The following KDM5A variants were observed in gnomAD, a reference collection of about 807,000 sequenced individuals.
KDM5A encodes lysine demethylase 5A.
In KDM5A, 42 loss-of-function variants were observed where a neutral mutation model predicts 193.5. The observed-to-expected ratio is 0.22, with a 90% CI of 0.17 to 0.28. The LOEUF (loss-of-function observed/expected upper bound fraction) is 0.28, where lower values mean the gene tolerates loss of function less well. Ranked by LOEUF, KDM5A falls within the 10% of genes least tolerant of loss-of-function variation. KDM5A has a pLI of 1.00. For missense variants in KDM5A, 1,692 were observed against 2,055.1 expected, an observed-to-expected ratio of 0.82 and a Z score of 3.42; for synonymous variants, 796 against 718.1, an observed-to-expected ratio of 1.11 and a Z score of -1.73.
At chr12:382,065 C>A (rs977572895) in intron 3 of KDM5A, among the ~76,000 whole-genome samples, 1 of 152,160 alleles carries the variant, frequency 6.6e-6, no homozygotes, top group Non-Finnish European at 1.5e-5. Flanking sequence ...TCCACCTCAG[C>A]CTCCCAAAGT....
At chr12:368,135 T>C (rs1944380509) in intron 3 of KDM5A, among the ~76,000 whole-genome samples, 1 of 152,180 alleles carries the variant, frequency 6.6e-6, no homozygotes, top group Non-Finnish European at 1.5e-5. Flanking sequence ...GAATGAATTT[T>C]GAAAATATAA....
chr12:282,682 T>TA lies in KDM5A; in HGVS notation c.*2773dup. ...TTCTTTCTATAACCTTTGCCAGAGT[T>TA]AAAATACTAATGATGAAGAATTGCA... On this transcript the variant is annotated 3_prime_UTR_variant, in exon 28 of 28. Coordinates refer to ENST00000399788, the MANE Select transcript of KDM5A (RefSeq NM_001042603.3). 4.3e-6 allele frequency: 1 copy of TA among 233,004 alleles called. No homozygotes were observed. The highest frequency in any genetic ancestry group is 8.5e-6 in the Non-Finnish European group (1 of 117,900). 14.4% of individuals were successfully genotyped at this position (233,004 alleles called of 1,614,324 possible). A position where few individuals can be genotyped will look rare whatever the true frequency, so the allele number is the denominator to read the frequency against.
rs201695488 is a variant in KDM5A, at chr12:284,335, T to TA, written c.*1120dup. The TA allele has an allele frequency of 1.5e-4, 33 of 227,108 alleles. No homozygotes were observed. The highest frequency in any genetic ancestry group is 6.3e-4 in the Admixed American group (11 of 17,524). The allele number at this position is 227,108 out of a possible 1,614,324, so 14.1% of individuals were successfully genotyped here. A position where few individuals can be genotyped will look rare whatever the true frequency, so the allele number is the denominator to read the frequency against. ...GTAAAAACAAGTCCTTTTTTTTTTTTAAAAATGGATTTACTAAAACAACTT... is the reference window on the plus strand; with the variant it reads ...GTAAAAACAAGTCCTTTTTTTTTTTTAAAAAATGGATTTACTAAAACAACTT... On this transcript the variant is annotated 3_prime_UTR_variant, in exon 28 of 28. Transcript: ENST00000399788.
rs754798761 is a variant in KDM5A, at chr12:385,995, A to T, written c.166-21T>A. 1.2e-4 allele frequency: 186 copies of T among 1,584,054 alleles called. 1 individual carries two copies. The highest frequency in any genetic ancestry group is 2.8e-4 in the South Asian group (25 of 90,454). On this transcript the variant is annotated intron_variant, in intron 1 of 27. Transcript: ENST00000399788. ...CAGTCCTAAATAGAAAGATTTTTTT[A>T]AAAAAACACAGTGGTATGTAAACAA...
chr12:292,861 C>A lies in KDM5A; in HGVS notation c.4764G>T (p.Val1588=), dbSNP rs748500071. ...ESTEKKREKK[V]LDIPSKYDWS... ...AGTCATACTTTGAGGGGATGTCCAGCACCTTTTTCTCTCTTTTCTTTTCAG... is the reference window on the plus strand; with the variant it reads ...AGTCATACTTTGAGGGGATGTCCAGAACCTTTTTCTCTCTTTTCTTTTCAG... Residue 1588 remains valine (V), a synonymous_variant, in exon 27 of 28, where the codon GTG becomes GTT. Coordinates refer to ENST00000399788, the MANE Select transcript of KDM5A (RefSeq NM_001042603.3). The A allele has an allele frequency of 1.9e-6, 3 of 1,614,236 alleles. No individual in the cohort carries two copies. The highest frequency in any genetic ancestry group is 2.5e-6 in the Non-Finnish European group (3 of 1,180,038).
chr12:380,352 A>C (rs999999656), intron 3 of KDM5A, among the ~76,000 whole-genome samples: 1 of 152,166 alleles, frequency 6.6e-6, no homozygotes, highest in Non-Finnish European at 1.5e-5. Flanking sequence ...AGAAAGTTTC[A>C]ATAGATTACT....
chr12:332,734 G>A (rs1424731092), intron 12 of KDM5A, among the ~76,000 whole-genome samples: 6 of 152,156 alleles, frequency 3.9e-5, no homozygotes, highest in Admixed American at 3.9e-4. Flanking sequence ...ATCCTTATTA[G>A]TTGTTAGTTA....
At chr12:334,218 G>A (rs371968248) in intron 11 of KDM5A, 23 bp downstream of exon 11, 3 of 1,601,362 alleles carry the variant, frequency 1.9e-6, no homozygotes, top group Non-Finnish European at 2.6e-6. Context: ...GTTCATGCAT[G>A]CTGTATTTTA....
At chr12:384,424 C>G (rs1944615175) in intron 2 of KDM5A, among the ~76,000 whole-genome samples, 1 of 152,190 alleles carries the variant, frequency 6.6e-6, no homozygotes, top group Non-Finnish European at 1.5e-5. Context: ...GGAACAGTTT[C>G]ATCCCAAAAC....
chr12:334,993 A>C (rs982312492), intron 10 of KDM5A, among the ~76,000 whole-genome samples: 3 of 152,120 alleles, frequency 2.0e-5, no homozygotes, highest in African/African-American at 7.2e-5. Flanking sequence ...CCATTATACA[A>C]ACACACCTAG....
intron 3 of KDM5A, among the ~76,000 whole-genome samples, chr12:369,305 A>C (rs1234580937): frequency 6.6e-6 from 1 of 152,200 alleles, no homozygotes; most frequent in East Asian, 1.9e-4. Context: ...CTTTCATTCA[A>C]CAGGTAACTT....
At chr12:328,580 A>G (rs1472743205) in intron 14 of KDM5A, among the ~76,000 whole-genome samples, 1 of 152,254 alleles carries the variant, frequency 6.6e-6, no homozygotes, top group Non-Finnish European at 1.5e-5. Flanking sequence ...CTGTATGTAG[A>G]AGATTTAAAA....
At chr12:387,605 TAGTG>T (rs1944653550) in intron 1 of KDM5A, among the ~76,000 whole-genome samples, 1 of 152,180 alleles carries the variant, frequency 6.6e-6, no homozygotes, top group South Asian at 2.1e-4. Context: ...TCATTCAACA[TAGTG>T]AGAGCATTAC....
chr12:377,231 C>T (rs1944517525), intron 3 of KDM5A, among the ~76,000 whole-genome samples: 1 of 151,934 alleles, frequency 6.6e-6, no homozygotes, highest in East Asian at 1.9e-4. Flanking sequence ...ACTAAAAAAG[C>T]TATAGGTAAG....
chr12:327,811 G>A (rs1315775777), intron 14 of KDM5A, among the ~76,000 whole-genome samples: 2 of 152,224 alleles, frequency 1.3e-5, no homozygotes, highest in Admixed American at 1.3e-4. Context: ...CCAGGAGTTT[G>A]AGACCAGCCT....
intron 10 of KDM5A, among the ~76,000 whole-genome samples, chr12:342,017 T>G (rs1944011846): frequency 2.0e-5 from 3 of 151,318 alleles, no homozygotes. Flanking sequence ...GTAAACAGAC[T>G]AAACAATCAA....
At chr12:358,773 A>T in intron 5 of KDM5A, among the ~76,000 whole-genome samples, 1 of 151,974 alleles carries the variant, frequency 6.6e-6, no homozygotes, top group Non-Finnish European at 1.5e-5. Context: ...GTAATTCAAG[A>T]CCAGCCTGGA....
At chr12:388,826 T>G (rs1944684077) in intron 1 of KDM5A, 101 bp downstream of exon 1, 5 of 1,364,984 alleles carry the variant, frequency 3.7e-6, no homozygotes, top group Non-Finnish European at 5.2e-6. Flanking sequence ...CAAAAGAGAG[T>G]ACATATGAAA....
chr12:364,318 A>G (rs1161974749), intron 4 of KDM5A, among the ~76,000 whole-genome samples: 1 of 152,038 alleles, frequency 6.6e-6, no homozygotes, highest in African/African-American at 2.4e-5. Context: ...CTAAAAATAC[A>G]AAAATTAGCT....
Sources: gnomAD v4.1 joint callset for allele counts (sites outside exome capture counted in the v4.1 genomes callset) on GRCh38, gnomAD v4.1.1 for gene constraint, MANE v1.5 for transcripts, NCBI Gene and HGNC (gene_info 2026-07-23, HGNC 2026-07-21) for gene names.